The following KGD4 variants were observed in gnomAD, a reference collection of about 807,000 sequenced individuals.
KGD4 encodes the protein alpha-ketoglutarate dehydrogenase component 4.
At chr5:69,223,442 G>A in the KGD4 span, among the ~76,000 whole-genome samples, 1 of 151,962 alleles carries the variant, frequency 6.6e-6, no homozygotes, top group Non-Finnish European at 1.5e-5. Flanking sequence ...ACACATTCCA[G>A]CATTTTCTCA....
At chr5:69,229,021 CAAAAAAA>C in the KGD4 span, among the ~76,000 whole-genome samples, 6 of 50,486 alleles carry the variant, frequency 1.2e-4, no homozygotes, top group African/African-American at 1.7e-4. Context: ...AACTCCATCT[CAAAAAAA>C]AAAAAAAAAA....
chr5:69,217,964 A>G, the KGD4 span: 92 of 1,600,748 alleles, frequency 5.7e-5, no homozygotes, highest in Non-Finnish European at 7.6e-5. Flanking sequence ...TGGCAGAGGC[A>G]GAGCGGTGAC....
the KGD4 span, among the ~76,000 whole-genome samples, chr5:69,225,094 A>AT: frequency 6.7e-6 from 1 of 149,046 alleles, no homozygotes; most frequent in African/African-American, 2.5e-5. Flanking sequence ...AAAAAAAAAA[A>AT]GGCAGTAAAT....
At chr5:69,217,816 C>T in the KGD4 span, 9 of 1,613,778 alleles carry the variant, frequency 5.6e-6, no homozygotes, top group Admixed American at 1.0e-4. Flanking sequence ...GGAAACTGCC[C>T]CTTCTCGGGG....
At chr5:69,217,832 G>A in the KGD4 span, 1 of 1,613,902 alleles carries the variant, frequency 6.2e-7, no homozygotes, top group African/African-American at 1.3e-5. Context: ...CGGGGGTCAT[G>A]ATGGGCAGCA....
chr5:69,221,031 G>A, the KGD4 span, among the ~76,000 whole-genome samples: 1 of 152,110 alleles, frequency 6.6e-6, no homozygotes, highest in African/African-American at 2.4e-5. Flanking sequence ...AAGTACCCAG[G>A]GACGTAAACA....
At chr5:69,229,021 CAAAAAAAAAAAAAA>C in the KGD4 span, among the ~76,000 whole-genome samples, 1 of 50,486 alleles carries the variant, frequency 2.0e-5, no homozygotes, top group African/African-American at 8.7e-5. Flanking sequence ...AACTCCATCT[CAAAAAAAAAAAAAA>C]AAAAAAAAAA....
the KGD4 span, chr5:69,229,078 T>A: frequency 1.8e-6 from 1 of 549,606 alleles, no homozygotes; most frequent in Non-Finnish European, 3.2e-6. Flanking sequence ...AAGTTTTGAC[T>A]AATTCAAAAC....
chr5:69,228,245 T>C, the KGD4 span: 1 of 1,606,058 alleles, frequency 6.2e-7, no homozygotes, highest in Non-Finnish European at 8.5e-7. Context: ...CACTCTTCTG[T>C]AATTTCACAA....
the KGD4 span, chr5:69,229,188 CTTTAT>C: frequency 1.9e-6 from 3 of 1,607,674 alleles, no homozygotes; most frequent in Non-Finnish European, 2.6e-6. Flanking sequence ...AATCTTACTG[CTTTAT>C]TTTTTCCTTT....
At chr5:69,219,599 CA>C in the KGD4 span, among the ~76,000 whole-genome samples, 2 of 152,054 alleles carry the variant, frequency 1.3e-5, no homozygotes, top group African/African-American at 4.8e-5. Flanking sequence ...GTGAGATATA[CA>C]GTAAGGAATG....
the KGD4 span, chr5:69,218,092 A>G: frequency 2.8e-5 from 18 of 653,998 alleles, no homozygotes; most frequent in Non-Finnish European, 7.9e-6. Flanking sequence ...CCTTGCGGCA[A>G]CCGTGCAGCA....
the KGD4 span, among the ~76,000 whole-genome samples, chr5:69,228,576 T>A: frequency 2.6e-5 from 4 of 152,214 alleles, no homozygotes; most frequent in Non-Finnish European, 5.9e-5. Context: ...TAAATATGCA[T>A]GATATATCAA....
the KGD4 span, among the ~76,000 whole-genome samples, chr5:69,224,868 A>T: frequency 6.6e-6 from 1 of 151,826 alleles, no homozygotes; most frequent in Non-Finnish European, 1.5e-5. Context: ...AGGTCAGGAG[A>T]TTGAGACCAC....
chr5:69,225,193 C>T, the KGD4 span, among the ~76,000 whole-genome samples: 2 of 151,438 alleles, frequency 1.3e-5, no homozygotes, highest in African/African-American at 2.4e-5. Context: ...CAACCTCTGC[C>T]TCCTTGGTTC....
At chr5:69,229,911 A>T in the KGD4 span, 1 of 151,900 alleles carries the variant, frequency 6.6e-6, no homozygotes, top group Admixed American at 6.6e-5. Flanking sequence ...AGAAATTGCA[A>T]TTTATTATGT....
At chr5:69,221,736 T>C in the KGD4 span, among the ~76,000 whole-genome samples, 1 of 152,046 alleles carries the variant, frequency 6.6e-6, no homozygotes, top group African/African-American at 2.4e-5. Context: ...ACCAAAGGCA[T>C]GATCCATGAA....
chr5:69,224,564 G>C, the KGD4 span, among the ~76,000 whole-genome samples: 1 of 151,932 alleles, frequency 6.6e-6, no homozygotes, highest in Non-Finnish European at 1.5e-5. Context: ...TTTCTTCCCT[G>C]TTAGGTATTA....
the KGD4 span, chr5:69,229,445 A>G: frequency 2.4e-6 from 1 of 412,098 alleles, no homozygotes; most frequent in East Asian, 3.9e-5. Context: ...TATACTTATT[A>G]AAGTATACAT....
Sources: allele counts gnomAD v4.1 joint callset (sites outside exome capture counted in the v4.1 genomes callset), GRCh38; gene constraint gnomAD v4.1.1; transcripts MANE v1.5; gene names NCBI Gene and HGNC (gene_info 2026-07-23, HGNC 2026-07-21).